The following FAM118B variants were observed in gnomAD, a reference collection of about 807,000 sequenced individuals.
The protein encoded by FAM118B is protein FAM118B.
Under a neutral mutation model 38.5 loss-of-function variants are expected in FAM118B, and 24 were observed. The ratio of observed to expected loss-of-function variants is 0.62; its 90% CI spans 0.45 to 0.88. The LOEUF (loss-of-function observed/expected upper bound fraction) is 0.88. FAM118B is among the 40% of genes least tolerant of loss of function. The pLI is 0.00. For missense variants in FAM118B, 334 were observed against 420.0 expected, an observed-to-expected ratio of 0.80 and a Z score of 1.79; for synonymous variants, 138 against 156.3, an observed-to-expected ratio of 0.88 and a Z score of 0.87.
rs1245157154 is a variant in FAM118B at position 126,255,565 on chromosome 11, T to A, written c.697-1002T>A. Among the ~76,000 whole-genome samples, 1 of 152,194 alleles carries A rather than the reference T, an allele frequency of 6.6e-6. No homozygotes were observed. Among genetic ancestry groups the A allele is most frequent in the East Asian group, 1.9e-4 (1 of 5,200 alleles). On this transcript the variant is annotated intron_variant, in intron 6 of 8. Transcript: ENST00000533050. This position sits in a 1 kb window ranked among gnomAD's most constrained non-coding sequence, Gnocchi z 4.6. ...AGCAAATCCGATGATGGAATTATCT[T>A]CTCTGGTGATTCACAGTTCAGTTTG...
chr11:126,234,177 A>T (rs986790097), intron 2 of FAM118B, among the ~76,000 whole-genome samples: 2 of 152,214 alleles, frequency 1.3e-5, no homozygotes, highest in Admixed American at 6.5e-5. Flanking sequence ...ATGTACTAAA[A>T]CACCCCAAAC....
At chr11:126,230,782 G>C (rs998913769) in intron 2 of FAM118B, among the ~76,000 whole-genome samples, 4 of 152,180 alleles carry the variant, frequency 2.6e-5, no homozygotes, top group African/African-American at 9.7e-5. Flanking sequence ...CGGGCTGGGA[G>C]ACCTCACTCT....
chr11:126,238,904 T>C (rs1022921944), intron 3 of FAM118B, among the ~76,000 whole-genome samples: 3 of 152,058 alleles, frequency 2.0e-5, no homozygotes, highest in Non-Finnish European at 2.9e-5. Flanking sequence ...AAGTAACTAT[T>C]ATTTGGTGGT....
chr11:126,231,919 A>G (rs1950211160), intron 2 of FAM118B, among the ~76,000 whole-genome samples: 1 of 152,224 alleles, frequency 6.6e-6, no homozygotes, highest in Non-Finnish European at 1.5e-5. Context: ...TTCTGAATGT[A>G]GTTGACTGCC....
At chr11:126,213,882 A>G (rs1949927928) in intron 1 of FAM118B, among the ~76,000 whole-genome samples, 1 of 152,200 alleles carries the variant, frequency 6.6e-6, no homozygotes. Context: ...TGGAGAAGGA[A>G]CTTTTAGGTT....
At chr11:126,261,562 A>G (rs1043603663) in intron 8 of FAM118B, 78 bp downstream of exon 8, 25 of 1,268,080 alleles carry the variant, frequency 2.0e-5, no homozygotes, top group African/African-American at 3.0e-5. Context: ...AATATAGAGA[A>G]TGTTACTTTG....
chr11:126,260,784 A>C (rs1372407341), intron 7 of FAM118B: 1 of 152,144 alleles, frequency 6.6e-6, no homozygotes, highest in Non-Finnish European at 1.5e-5. Context: ...ATTTTCTTCC[A>C]TGTGTTCAGC....
intron 1 of FAM118B, among the ~76,000 whole-genome samples, chr11:126,225,106 G>T (rs1459293715): frequency 6.6e-6 from 1 of 152,180 alleles, no homozygotes; most frequent in Non-Finnish European, 1.5e-5. Flanking sequence ...CTACTTTGCA[G>T]CAGAGGATGG....
intron 1 of FAM118B, among the ~76,000 whole-genome samples, chr11:126,222,570 C>G (rs1464874716): frequency 6.6e-6 from 1 of 152,132 alleles, no homozygotes; most frequent in Non-Finnish European, 1.5e-5. Context: ...AAAACAACCT[C>G]CAAAGCAGGT....
chr11:126,231,735 A>G (rs1232151084), intron 2 of FAM118B, among the ~76,000 whole-genome samples: 1 of 152,240 alleles, frequency 6.6e-6, no homozygotes, highest in Non-Finnish European at 1.5e-5. Flanking sequence ...AAAGCTTAGT[A>G]TTCAGGTCTA....
intron 1 of FAM118B, among the ~76,000 whole-genome samples, chr11:126,220,908 C>T (rs1430282692): frequency 3.3e-5 from 5 of 151,454 alleles, no homozygotes; most frequent in South Asian, 2.1e-4. Context: ...AATAGTAGGC[C>T]GGGCGCAGTG....
intron 3 of FAM118B, among the ~76,000 whole-genome samples, chr11:126,237,748 T>C (rs1950298118): frequency 7.1e-6 from 1 of 140,904 alleles, no homozygotes. Context: ...TCCCAGCTAC[T>C]CGGGAGGCTG....
chr11:126,226,626 G>A (rs1382281059), intron 1 of FAM118B, among the ~76,000 whole-genome samples: 1 of 152,178 alleles, frequency 6.6e-6, no homozygotes, highest in Non-Finnish European at 1.5e-5. Context: ...CTCTTTAAAA[G>A]GAAATGCAAC....
rs981960691 is a variant in FAM118B at position 126,250,501 on chromosome 11, C to T, written c.340-5C>T. On this transcript the variant is annotated splice_region_variant and splice_polypyrimidine_tract_variant and intron_variant, in intron 4 of 8. Coordinates refer to ENST00000533050, the MANE Select transcript of FAM118B (RefSeq NM_024556.4). This position sits in a 1 kb window ranked among gnomAD's most constrained non-coding sequence, Gnocchi z 5.1. Reference sequence around the variant, plus strand: ...CTAATTTTCTTTTTTCAAATCCCTCCTCAGCGTACCAGTAATGTTCGATCC... The same window carrying T: ...CTAATTTTCTTTTTTCAAATCCCTCTTCAGCGTACCAGTAATGTTCGATCC... The T allele has an allele frequency of 1.9e-6, 3 of 1,606,710 alleles. No homozygotes were observed. Among genetic ancestry groups the T allele is most frequent in the South Asian group, 1.1e-5 (1 of 90,844 alleles).
chr11:126,232,919 T>C (rs1591510623), intron 2 of FAM118B, among the ~76,000 whole-genome samples: 1 of 152,112 alleles, frequency 6.6e-6, no homozygotes, highest in East Asian at 1.9e-4. Context: ...AACCTGGCTA[T>C]TGTTATAAGC....
intron 4 of FAM118B, chr11:126,241,264 G>C (rs1002727930): frequency 9.1e-6 from 4 of 437,616 alleles, no homozygotes; most frequent in Non-Finnish European, 1.6e-5. Flanking sequence ...GTCTATGAGA[G>C]AGAAATGATG....
chr11:126,254,820 C>T (rs1304179659), intron 6 of FAM118B, among the ~76,000 whole-genome samples: 1 of 152,124 alleles, frequency 6.6e-6, no homozygotes, highest in African/African-American at 2.4e-5. Context: ...GAGCAAGGCC[C>T]TATCTCTAAA....
intron 4 of FAM118B, among the ~76,000 whole-genome samples, chr11:126,243,468 T>TA (rs112365928): frequency 4.3e-3 from 543 of 124,988 alleles, no homozygotes; most frequent in African/African-American, 5.7e-3. Flanking sequence ...TGTCTGCCTC[T>TA]AAAAAAAAAA....
intron 2 of FAM118B, among the ~76,000 whole-genome samples, chr11:126,229,587 C>T (rs1205200784): frequency 1.5e-4 from 23 of 152,054 alleles, no homozygotes; most frequent in Admixed American, 9.2e-4. Flanking sequence ...GGATTACAGG[C>T]GCCCACCACC....
Sources: allele counts gnomAD v4.1 joint callset (sites outside exome capture counted in the v4.1 genomes callset), GRCh38; gene constraint gnomAD v4.1.1; non-coding constraint Gnocchi (gnomAD v3.1); transcripts MANE v1.5; gene names NCBI Gene and HGNC (gene_info 2026-07-23, HGNC 2026-07-21).